The following RORA variants were observed in gnomAD, a reference collection of about 807,000 sequenced individuals.
The protein encoded by RORA is nuclear receptor ROR-alpha.
In RORA, 7 loss-of-function variants were observed where a neutral mutation model predicts 69.5. The observed-to-expected ratio is 0.10, with a 90% CI of 0.06 to 0.19. The LOEUF is 0.19. Among genes scored for constraint, RORA ranks in the 10% least tolerant of loss-of-function variants. RORA has a pLI of 1.00. For synonymous variants in RORA, 261 were observed against 240.8 expected, an observed-to-expected ratio of 1.08 and a Z score of -0.78; for missense variants, 457 against 663.0, an observed-to-expected ratio of 0.69 and a Z score of 3.41.
chr15:61,132,181 G>A lies in RORA; in HGVS notation c.166+96872C>T, dbSNP rs189038086. On this transcript the variant is annotated intron_variant, in intron 1 of 10. Transcript: ENST00000335670. ...TGTAATCTAGGGGTTTACAGAAACAGTATCATTCCAGAAAAATGAATTCAA... is the reference window on the plus strand; with the variant it reads ...TGTAATCTAGGGGTTTACAGAAACAATATCATTCCAGAAAAATGAATTCAA... 5.9e-5 allele frequency among the ~76,000 whole-genome samples: 9 copies of A among 152,314 alleles called. No homozygotes were observed. In the East Asian group the frequency reaches 1.7e-3, roughly 29 times the overall value.
intron 2 of RORA, among the ~76,000 whole-genome samples, chr15:60,553,027 CCA>C (rs1191706132): frequency 6.6e-6 from 1 of 152,176 alleles, no homozygotes; most frequent in Non-Finnish European, 1.5e-5. Flanking sequence ...CTAATCTCTA[CCA>C]CAGAGATAAC....
chr15:60,667,610 T>TTTTTTGTTTCTTTTTG (rs2070398973), intron 2 of RORA, among the ~76,000 whole-genome samples: 1 of 152,046 alleles, frequency 6.6e-6, no homozygotes, highest in Non-Finnish European at 1.5e-5. Flanking sequence ...GTATAGTTCG[T>TTTTTTGTTTCTTTTTG]TTTTTGTTTC....
At chr15:60,721,916 G>T (rs1247653511) in intron 1 of RORA, among the ~76,000 whole-genome samples, 1 of 152,358 alleles carries the variant, frequency 6.6e-6, no homozygotes, top group South Asian at 2.1e-4. Flanking sequence ...TTTACTCAAG[G>T]ACTCGCCCTA....
At chr15:61,200,582 T>A (rs1475255653) in intron 1 of RORA, among the ~76,000 whole-genome samples, 1 of 152,192 alleles carries the variant, frequency 6.6e-6, no homozygotes, top group African/African-American at 2.4e-5. Flanking sequence ...GCTCTCCTAG[T>A]CTTCCCTGTG....
At chr15:60,838,171 T>C (rs563113602) in intron 1 of RORA, among the ~76,000 whole-genome samples, 1 of 152,196 alleles carries the variant, frequency 6.6e-6, no homozygotes, top group East Asian at 1.9e-4. Flanking sequence ...TAGACCTCTA[T>C]CCTATTGTTT....
At chr15:60,813,008 C>T (rs1379781959) in intron 1 of RORA, among the ~76,000 whole-genome samples, 1 of 152,230 alleles carries the variant, frequency 6.6e-6, no homozygotes, top group Non-Finnish European at 1.5e-5. Context: ...CTCTCAGTAG[C>T]TTACAGAAAA....
chr15:60,930,807 G>T (rs144826138), intron 1 of RORA, among the ~76,000 whole-genome samples: 1 of 152,160 alleles, frequency 6.6e-6, no homozygotes, highest in Non-Finnish European at 1.5e-5. Context: ...TTTGAGGTCC[G>T]TGAGCAGAGA....
intron 2 of RORA, among the ~76,000 whole-genome samples, chr15:60,538,473 G>C (rs1476511232): frequency 6.8e-6 from 1 of 147,010 alleles, no homozygotes; most frequent in Non-Finnish European, 1.5e-5. Context: ...CAAAGATTGC[G>C]ATGCTGTGTC....
chr15:61,049,310 C>A (rs923736001), intron 1 of RORA, among the ~76,000 whole-genome samples: 69 of 152,238 alleles, frequency 4.5e-4, no homozygotes, highest in African/African-American at 1.6e-3. Flanking sequence ...TGGTGATATC[C>A]CCCCGTCTAA....
chr15:61,084,562 T>C (rs1158265290), intron 1 of RORA, among the ~76,000 whole-genome samples: 1 of 152,214 alleles, frequency 6.6e-6, no homozygotes, highest in Admixed American at 6.5e-5. Flanking sequence ...TCTCTATGTA[T>C]GTCTCTGTCT....
At chr15:60,804,656 C>T (rs544223979) in intron 1 of RORA, among the ~76,000 whole-genome samples, 12 of 152,296 alleles carry the variant, frequency 7.9e-5, no homozygotes, top group African/African-American at 2.9e-4. Flanking sequence ...AGAAGGACTA[C>T]AAATATTTTT....
chr15:60,780,229 A>C (rs1029040080), intron 1 of RORA, among the ~76,000 whole-genome samples: 8 of 152,192 alleles, frequency 5.3e-5, no homozygotes, highest in African/African-American at 1.9e-4. Flanking sequence ...AACCATCTGG[A>C]GAACTTTTGG....
rs1299222003 is a variant in RORA at position 60,488,553 on chromosome 15, G to A, written c.*8902C>T. 1 of 151,906 alleles carries A rather than the reference G, an allele frequency of 6.6e-6. No individual in the cohort carries two copies. The highest frequency in any genetic ancestry group is 6.6e-5 in the Admixed American group (1 of 15,256). The allele number at this position is 151,906 out of a possible 1,614,324, so 9.4% of individuals were successfully genotyped here. ...CAATAAAATAAACAGCTGGAAATAA[G>A]CAGACTAGTGTAAGAGTGAATTGAA... On this transcript the variant is annotated 3_prime_UTR_variant, in exon 11 of 11. Coordinates refer to ENST00000335670, the MANE Select transcript of RORA (RefSeq NM_134261.3).
At chr15:60,909,578 T>C (rs1415401204) in intron 1 of RORA, among the ~76,000 whole-genome samples, 1 of 152,214 alleles carries the variant, frequency 6.6e-6, no homozygotes, top group South Asian at 2.1e-4. Flanking sequence ...AAGTTATTTA[T>C]AAAGGGGAGA....
intron 1 of RORA, among the ~76,000 whole-genome samples, chr15:60,792,980 A>G (rs1166650101): frequency 6.6e-6 from 1 of 151,976 alleles, no homozygotes; most frequent in African/African-American, 2.4e-5. Context: ...TTCTACAAAT[A>G]CTGTCTTTCC....
At chr15:60,514,579 C>T in intron 4 of RORA, 37 bp downstream of exon 4, 1 of 1,606,720 alleles carries the variant, frequency 6.2e-7, no homozygotes, top group East Asian at 2.2e-5. Context: ...CTTTCACAAC[C>T]CCGTGCAACT....
intron 1 of RORA, among the ~76,000 whole-genome samples, chr15:60,861,812 C>T (rs1157888412): frequency 6.6e-6 from 1 of 152,184 alleles, no homozygotes; most frequent in Non-Finnish European, 1.5e-5. Flanking sequence ...GGCCATACCA[C>T]TCAGGCTTAA....
chr15:60,983,104 C>G (rs546820151), intron 1 of RORA, among the ~76,000 whole-genome samples: 18 of 152,252 alleles, frequency 1.2e-4, no homozygotes, highest in African/African-American at 4.3e-4. Flanking sequence ...AATGGCCCCT[C>G]CTCTCAGCCA....
At chr15:61,125,978 A>G (rs996806569) in intron 1 of RORA, among the ~76,000 whole-genome samples, 6 of 152,262 alleles carry the variant, frequency 3.9e-5, no homozygotes, top group Non-Finnish European at 8.8e-5. Context: ...ACCAATTGAC[A>G]TAAGTATTAA....
Sources: allele counts gnomAD v4.1 joint callset (sites outside exome capture counted in the v4.1 genomes callset), GRCh38; gene constraint gnomAD v4.1.1; transcripts MANE v1.5; gene names NCBI Gene and HGNC (gene_info 2026-07-23, HGNC 2026-07-21).